RBFOX1: variants seen among roughly 807,000 people sequenced by gnomAD.
RBFOX1 encodes RNA binding protein fox-1 homolog 1.
A neutral mutation model predicts 57.7 loss-of-function variants in RBFOX1; 8 were observed. The observed-to-expected ratio is 0.14, with a 90% CI of 0.08 to 0.25. The LOEUF (loss-of-function observed/expected upper bound fraction) is 0.25. RBFOX1 is among the 10% of genes least tolerant of loss of function. The pLI is 1.00. For synonymous variants in RBFOX1, 326 were observed against 222.4 expected (o/e 1.47, Z -4.15); for missense variants, 611 against 548.5 (o/e 1.11, Z -1.14).
At chr16:5,731,068 G>GCACCAT (rs773310658) in intron 3 of RBFOX1, among the ~76,000 whole-genome samples, 8 of 151,670 alleles carry the variant, frequency 5.3e-5, no homozygotes, top group Middle Eastern at 3.4e-3. Flanking sequence ...ACCAATGTAA[G>GCACCAT]CACCATCACC....
intron 2 of RBFOX1, among the ~76,000 whole-genome samples, chr16:5,516,721 GT>G (rs1358832804): frequency 2.6e-4 from 40 of 151,998 alleles, no homozygotes; most frequent in African/African-American, 2.4e-5. Context: ...ATGGGGGTGG[GT>G]TTTTTTGCAT....
chr16:7,249,159 T>C (rs1407494054), intron 4 of RBFOX1, among the ~76,000 whole-genome samples: 1 of 152,198 alleles, frequency 6.6e-6, no homozygotes, highest in Non-Finnish European at 1.5e-5. Flanking sequence ...AGCTGGGGGT[T>C]AGGTGGTATC....
At chr16:7,156,324 G>C (rs10445043) in intron 4 of RBFOX1, among the ~76,000 whole-genome samples, 136,335 of 151,996 alleles carry the variant, frequency 0.9, 61,283 homozygotes, top group East Asian at 1. Flanking sequence ...ATATAGACTT[G>C]CAGCATATGT....
chr16:6,044,605 G>A lies in RBFOX1; in HGVS notation c.-127+24613G>A, dbSNP rs1347870548. Among the ~76,000 whole-genome samples the A allele has an allele frequency of 4.6e-5, 7 of 152,300 alleles. No individual in the cohort carries two copies. In the East Asian group the frequency reaches 1.3e-3, roughly 29 times the overall value. ...AACAGCATCTGCCTTTGATTAAGGT[G>A]TGAAATTTTAAAAAGGTATGGAAAG... On this transcript the variant is annotated intron_variant, in intron 1 of 15. Coordinates refer to ENST00000550418, the MANE Select transcript of RBFOX1 (RefSeq NM_018723.4).
At chr16:6,583,344 G>T (rs961820556) in intron 2 of RBFOX1, among the ~76,000 whole-genome samples, 2 of 152,142 alleles carry the variant, frequency 1.3e-5, no homozygotes, top group African/African-American at 4.8e-5. Context: ...GGTGGGTTGC[G>T]TGCAGAGCAA....
chr16:6,955,985 T>C (rs563613092), intron 3 of RBFOX1, among the ~76,000 whole-genome samples: 2 of 152,306 alleles, frequency 1.3e-5, no homozygotes, highest in East Asian at 1.9e-4. Flanking sequence ...GGATTACAGA[T>C]GTGAGCCACC....
intron 2 of RBFOX1, among the ~76,000 whole-genome samples, chr16:6,377,350 A>G (rs2091311311): frequency 6.6e-6 from 1 of 151,976 alleles, no homozygotes; most frequent in Admixed American, 6.6e-5. Context: ...TTCCATATGA[A>G]CTCATCTTAA....
chr16:5,995,846 A>C (rs2060481424), intron 4 of RBFOX1, among the ~76,000 whole-genome samples: 1 of 152,198 alleles, frequency 6.6e-6, no homozygotes, highest in African/African-American at 2.4e-5. Flanking sequence ...CTACTGTAAC[A>C]AAATAGCATC....
intron 3 of RBFOX1, among the ~76,000 whole-genome samples, chr16:5,766,405 C>G (rs1461343722): frequency 6.6e-6 from 1 of 151,994 alleles, no homozygotes; most frequent in Non-Finnish European, 1.5e-5. Context: ...GCCAACATGA[C>G]GAAACCTCGT....
intron 2 of RBFOX1, among the ~76,000 whole-genome samples, chr16:6,570,883 G>C (rs1240432411): frequency 6.6e-6 from 1 of 152,188 alleles, no homozygotes; most frequent in Non-Finnish European, 1.5e-5. Flanking sequence ...GGGATGGGGA[G>C]AAGGAAGAGA....
Position 7,129,541 on chromosome 16 carries a change from T to C in RBFOX1, c.27+77443T>C, listed in dbSNP as rs2069622187. ...TTGCCATGATACTCTTGGATTACAA[T>C]GGAGAGACACATTTGCCCTATCTCC... On this transcript the variant is annotated intron_variant, in intron 4 of 15. Transcript: ENST00000550418. Among the ~76,000 whole-genome samples the C allele has an allele frequency of 2.0e-5, 3 of 152,088 alleles. 1 individual carries two copies. The South Asian group carries it at 6.2e-4, about 32-fold the overall frequency.
At chr16:5,860,824 A>G (rs2057194306) in intron 3 of RBFOX1, among the ~76,000 whole-genome samples, 1 of 152,180 alleles carries the variant, frequency 6.6e-6, no homozygotes. Context: ...AGATACTGGG[A>G]GGCCAGCAAA....
At chr16:7,010,687 C>T (rs992282003) in intron 3 of RBFOX1, among the ~76,000 whole-genome samples, 1 of 152,110 alleles carries the variant, frequency 6.6e-6, no homozygotes, top group Non-Finnish European at 1.5e-5. Context: ...CCTCAGCCTA[C>T]CAAGTAGCTG....
chr16:6,168,756 C>CT (rs1392177910), intron 1 of RBFOX1, among the ~76,000 whole-genome samples: 3 of 151,736 alleles, frequency 2.0e-5, no homozygotes, highest in Admixed American at 6.6e-5. Flanking sequence ...GTGTTTAACT[C>CT]TAAGAGTTCT....
intron 2 of RBFOX1, among the ~76,000 whole-genome samples, chr16:6,381,249 G>T (rs1259346538): frequency 1.3e-5 from 2 of 152,138 alleles, no homozygotes; most frequent in African/African-American, 2.4e-5. Context: ...GTAGTGATGA[G>T]GTCTAAGCAT....
At chr16:5,332,206 A>G (rs2064774922) in intron 1 of RBFOX1, among the ~76,000 whole-genome samples, 2 of 152,138 alleles carry the variant, frequency 1.3e-5, no homozygotes, top group South Asian at 4.1e-4. Context: ...TTAACACCTA[A>G]TGATAACAGT....
chr16:6,656,482 G>C (rs367678196), intron 3 of RBFOX1, among the ~76,000 whole-genome samples: 1 of 152,000 alleles, frequency 6.6e-6, no homozygotes, highest in Admixed American at 6.6e-5. Context: ...AAGACATCAT[G>C]ATGATGGCAA....
intron 3 of RBFOX1, among the ~76,000 whole-genome samples, chr16:6,719,323 A>G (rs902566669): frequency 2.6e-5 from 4 of 152,242 alleles, no homozygotes; most frequent in African/African-American, 7.2e-5. Flanking sequence ...AGACAAAGCA[A>G]TCACATCAAT....
rs199956045 is a variant in RBFOX1 at position 7,415,946 on chromosome 16, G to GA, written c.28-102192dup. On this transcript the variant is annotated intron_variant, in intron 4 of 15. Coordinates refer to ENST00000550418, the MANE Select transcript of RBFOX1 (RefSeq NM_018723.4). ...AGCTTGGGCTGGTAGTGGTTTAGGA[G>GA]AAAAAAAAATCAAGTGAAACTTAGG... Among the ~76,000 whole-genome samples the GA allele has an allele frequency of 9.3e-3, 1,410 of 151,540 alleles. 17 individuals are homozygous for GA. The highest frequency in any genetic ancestry group is 0.028 in the African/African-American group (1,140 of 41,338).
Sources: gnomAD v4.1 joint callset for allele counts (sites outside exome capture counted in the v4.1 genomes callset) on GRCh38, gnomAD v4.1.1 for gene constraint, MANE v1.5 for transcripts, NCBI Gene and HGNC (gene_info 2026-07-23, HGNC 2026-07-21) for gene names.